Variants in MEGF10 observed in about 807,000 individuals in gnomAD.
MEGF10 encodes the protein multiple epidermal growth factor-like domains protein 10.
MEGF10 carries 86 observed loss-of-function variants against 147.5 expected under a neutral mutation model. The ratio of observed to expected loss-of-function variants is 0.58; its 90% CI spans 0.49 to 0.70. MEGF10 has a LOEUF of 0.70. MEGF10 is among the 30% of genes least tolerant of loss of function. The pLI is 0.00. For missense variants in MEGF10, 1,329 were observed against 1,487.3 expected, an observed-to-expected ratio of 0.89 and a Z score of 1.75; for synonymous variants, 478 against 525.5, an observed-to-expected ratio of 0.91 and a Z score of 1.24.
intron 2 of MEGF10, among the ~76,000 whole-genome samples, chr5:127,332,461 G>C (rs1482921343): frequency 1.3e-5 from 2 of 152,122 alleles, no homozygotes; most frequent in African/African-American, 4.8e-5. Flanking sequence ...ATAAAGCCCA[G>C]AGCCTCTCAA....
rs748606956 is a variant in MEGF10, at chr5:127,457,222, T to C, written c.3327T>C (p.Cys1109=). 8 of 1,614,142 alleles carry C rather than the reference T, an allele frequency of 5.0e-6. No homozygotes were observed. Among genetic ancestry groups the C allele is most frequent in the South Asian group, 1.1e-5 (1 of 91,080 alleles). ...TCCCAAAGAACAGTCACATCCCTTG[T>C]CATTATGACCTGCTGCCAGTCCGAG... is the stretch of plus-strand genomic sequence containing the variant. ...YDLPKNSHIP[C]HYDLLPVRDS... The change falls in exon 25 of 25, where the codon TGT becomes TGC. Residue 1109 remains cysteine (C), a synonymous_variant. Transcript: ENST00000503335.
chr5:127,441,250 GGTGGGGAGGAGGGCT>G (rs1765747920), intron 18 of MEGF10, among the ~76,000 whole-genome samples: 1 of 152,210 alleles, frequency 6.6e-6, no homozygotes, highest in Admixed American at 6.5e-5. Context: ...CAGTACATTC[GGTGGGGAGGAGGGCT>G]GGTGGCCCAG....
chr5:127,304,457 A>C (rs1759921549), intron 1 of MEGF10, among the ~76,000 whole-genome samples: 1 of 152,140 alleles, frequency 6.6e-6, no homozygotes, highest in Non-Finnish European at 1.5e-5. Context: ...GAAATAGCCA[A>C]CTAGAACAAC....
the MEGF10 span, among the ~76,000 whole-genome samples, chr5:127,248,547 A>T: frequency 1.4e-4 from 22 of 152,238 alleles, no homozygotes; most frequent in African/African-American, 4.6e-4. Flanking sequence ...GGTATAAAAA[A>T]TACCTAACTA....
intron 1 of MEGF10, among the ~76,000 whole-genome samples, chr5:127,309,994 T>TTTCCTTCCTTCCTTCC (rs1554089026): frequency 1.8e-5 from 1 of 56,814 alleles, no homozygotes. Flanking sequence ...TCTTTCTTTC[T>TTTCCTTCCTTCCTTCC]TTCCTTCCTT....
At chr5:127,451,765 G>A (rs1388952907) in intron 22 of MEGF10, among the ~76,000 whole-genome samples, 4 of 152,098 alleles carry the variant, frequency 2.6e-5, no homozygotes, top group African/African-American at 7.2e-5. Context: ...GGATCTTCTT[G>A]GTTTGTTCTC....
At chr5:127,343,308 C>A (rs1458783358) in intron 4 of MEGF10, among the ~76,000 whole-genome samples, 1 of 152,064 alleles carries the variant, frequency 6.6e-6, no homozygotes, top group Non-Finnish European at 1.5e-5. Context: ...AAACAAGTTT[C>A]TTTTATGTAC....
At chr5:127,321,521 T>A (rs1425640746) in intron 1 of MEGF10, among the ~76,000 whole-genome samples, 1 of 152,076 alleles carries the variant, frequency 6.6e-6, no homozygotes. Flanking sequence ...TTTCTAAGAT[T>A]TTGGTTTTAC....
intron 1 of MEGF10, among the ~76,000 whole-genome samples, chr5:127,309,797 G>A (rs1284533808): frequency 6.6e-6 from 1 of 151,260 alleles, no homozygotes; most frequent in Non-Finnish European, 1.5e-5. Flanking sequence ...TTCTTTTTTG[G>A]GTATATATAC....
In MEGF10 at chr5:127,434,668, A is replaced by G. The variant is rs772550211; in HGVS notation, c.1841-19A>G. ...ACGCATCTCAGAAGGATAACTGCTG[A>G]TTTCCCTTCTGTTTTCAGTCTGCTC... On this transcript the variant is annotated intron_variant, in intron 14 of 24. Coordinates refer to ENST00000503335, the MANE Select transcript of MEGF10 (RefSeq NM_001256545.2). 6 of 1,596,362 alleles carry G rather than the reference A, an allele frequency of 3.8e-6. No individual in the cohort carries two copies. The highest frequency in any genetic ancestry group is 5.1e-6 in the Non-Finnish European group (6 of 1,169,880).
At chr5:127,230,059 ATTTAGT>A in the MEGF10 span, among the ~76,000 whole-genome samples, 2,015 of 152,222 alleles carry the variant, frequency 0.013, 40 homozygotes, top group African/African-American at 0.046. Context: ...GTTTTTGGTA[ATTTAGT>A]TTTAGGCAGC....
Position 127,402,626 on chromosome 5 carries a change from G to A in MEGF10, c.861G>A (p.Gly287=), listed in dbSNP as rs770866013. The change falls in exon 8 of 25, where the codon GGG becomes GGA. Residue 287 remains glycine (G), a synonymous_variant. Coordinates refer to ENST00000503335, the MANE Select transcript of MEGF10 (RefSeq NM_001256545.2). ...CSQECQCHNG[G]TCDAATGQCH... is the part of the protein sequence containing the mutation. The stretch of plus-strand genomic sequence containing the variant: ...AAGAATGCCAGTGCCATAATGGAGG[G>A]ACGTGTGATGCTGCCACAGGCCAAT... 1 of 1,614,146 alleles carries A rather than the reference G, an allele frequency of 6.2e-7. No individual in the cohort carries two copies. Among genetic ancestry groups the A allele is most frequent in the Non-Finnish European group, 8.5e-7 (1 of 1,180,018 alleles).
chr5:127,348,953 G>A (rs1761993209), intron 4 of MEGF10, among the ~76,000 whole-genome samples: 1 of 152,108 alleles, frequency 6.6e-6, no homozygotes, highest in Non-Finnish European at 1.5e-5. Flanking sequence ...AATATAGGCT[G>A]GATGCGGTGG....
At chr5:127,408,609 A>G (rs552367451) in intron 8 of MEGF10, among the ~76,000 whole-genome samples, 9 of 152,352 alleles carry the variant, frequency 5.9e-5, no homozygotes, top group Admixed American at 1.3e-4. Context: ...TTTTATGCTG[A>G]GTATTAGGTC....
chr5:127,250,700 C>A, the MEGF10 span, among the ~76,000 whole-genome samples: 1 of 151,812 alleles, frequency 6.6e-6, no homozygotes, highest in African/African-American at 2.4e-5. Flanking sequence ...AATAACATGA[C>A]ACATAAATAT....
chr5:127,308,153 A>G (rs1051400458), intron 1 of MEGF10, among the ~76,000 whole-genome samples: 3 of 152,220 alleles, frequency 2.0e-5, no homozygotes, highest in African/African-American at 7.2e-5. Flanking sequence ...TCTGTACTCA[A>G]AAAGCATTGT....
At chr5:127,447,456 C>A in intron 20 of MEGF10, 101 bp from the exon 21 acceptor site, 2 of 1,515,292 alleles carry the variant, frequency 1.3e-6, no homozygotes, top group African/African-American at 1.4e-5. Context: ...GGATTACAGG[C>A]GTGAGCCACC....
At chr5:127,337,477 G>A (rs749981188) in intron 2 of MEGF10, among the ~76,000 whole-genome samples, 1 of 152,070 alleles carries the variant, frequency 6.6e-6, no homozygotes, top group Non-Finnish European at 1.5e-5. Flanking sequence ...TGGTAAGGAA[G>A]TCTTAGAACC....
At chr5:127,409,611 T>C (rs986402663) in intron 8 of MEGF10, 1 of 152,354 alleles carries the variant, frequency 6.6e-6, no homozygotes, top group Non-Finnish European at 1.5e-5. Context: ...TGGACAGAGC[T>C]CCAATGCCAC....
Sources: gnomAD v4.1 joint callset for allele counts (sites outside exome capture counted in the v4.1 genomes callset) on GRCh38, gnomAD v4.1.1 for gene constraint, MANE v1.5 for transcripts, NCBI Gene and HGNC (gene_info 2026-07-23, HGNC 2026-07-21) for gene names.